PIK3AP1: variants seen among roughly 807,000 people sequenced by gnomAD.
PIK3AP1 encodes phosphoinositide-3-kinase adaptor protein 1.
PIK3AP1 carries 21 observed loss-of-function variants against 88.1 expected under a neutral mutation model. The observed-to-expected ratio is 0.24, with a 90% confidence interval of 0.17 to 0.34. The LOEUF is 0.34. PIK3AP1 is among the 10% of genes least tolerant of loss of function. The pLI is 1.00. For missense variants in PIK3AP1, 828 were observed against 1,035.7 expected (o/e 0.80, Z 2.75); for synonymous variants, 398 against 400.0 (o/e 1.00, Z 0.06).
intron 6 of PIK3AP1, among the ~76,000 whole-genome samples, chr10:96,649,088 C>A (rs993227448): frequency 6.6e-6 from 1 of 152,088 alleles, no homozygotes; most frequent in Non-Finnish European, 1.5e-5. Flanking sequence ...ACTCTGTCAC[C>A]CAGGCTGGAG....
intron 6 of PIK3AP1, among the ~76,000 whole-genome samples, 155 bp from the exon 7 acceptor site, chr10:96,649,010 C>T (rs1348370928): frequency 1.3e-5 from 2 of 152,216 alleles, no homozygotes; most frequent in Admixed American, 6.5e-5. Flanking sequence ...CAGCTTCCTT[C>T]AGGACACCAC....
intron 2 of PIK3AP1, among the ~76,000 whole-genome samples, chr10:96,704,554 C>A (rs1287647025): frequency 6.6e-6 from 1 of 151,932 alleles, no homozygotes; most frequent in South Asian, 2.1e-4. Flanking sequence ...CCCATCACTA[C>A]TAAAAATACA....
chr10:96,628,578 C>CA (rs879686687), intron 8 of PIK3AP1, 85 bp from the exon 9 acceptor site: 48 of 1,118,518 alleles, frequency 4.3e-5, no homozygotes, highest in Non-Finnish European at 6.1e-5. Flanking sequence ...TGAGGTTTGG[C>CA]AACTCTCTTA....
chr10:96,680,806 A>C (rs1210521825), intron 2 of PIK3AP1, among the ~76,000 whole-genome samples: 1 of 152,202 alleles, frequency 6.6e-6, no homozygotes, highest in Non-Finnish European at 1.5e-5. Flanking sequence ...TCACTTTCAC[A>C]TGTTGATGCC....
At chr10:96,678,879 C>A (rs563686890) in intron 2 of PIK3AP1, among the ~76,000 whole-genome samples, 1 of 152,312 alleles carries the variant, frequency 6.6e-6, no homozygotes, top group Admixed American at 6.5e-5. Flanking sequence ...GAGACACAGA[C>A]CCCTGTAGGG....
At chr10:96,609,973 G>A (rs1222435395) in intron 13 of PIK3AP1, 106 bp from the exon 14 acceptor site, 1 of 1,316,646 alleles carries the variant, frequency 7.6e-7, no homozygotes, top group Non-Finnish European at 1.1e-6. Context: ...AGCCTGCATG[G>A]GAAGGGGAAG....
At chr10:96,705,302 T>C (rs574948013) in intron 2 of PIK3AP1, among the ~76,000 whole-genome samples, 8 of 152,118 alleles carry the variant, frequency 5.3e-5, no homozygotes, top group Non-Finnish European at 8.8e-5. Flanking sequence ...TGTAAGGGAA[T>C]GTTATGATCA....
chr10:96,662,399 C>G (rs1389463185), intron 2 of PIK3AP1, among the ~76,000 whole-genome samples: 1 of 150,520 alleles, frequency 6.6e-6, no homozygotes, highest in African/African-American at 2.5e-5. Flanking sequence ...GTCAGGAGCT[C>G]GAGATCAGCC....
intron 8 of PIK3AP1, among the ~76,000 whole-genome samples, chr10:96,632,659 T>C (rs2134214141): frequency 6.6e-6 from 1 of 152,348 alleles, no homozygotes; most frequent in Non-Finnish European, 1.5e-5. Context: ...AGCAAGATTT[T>C]GGAAGCAACA....
At chr10:96,701,208 A>G in intron 2 of PIK3AP1, among the ~76,000 whole-genome samples, 1 of 152,226 alleles carries the variant, frequency 6.6e-6, no homozygotes, top group African/African-American at 2.4e-5. Flanking sequence ...TGACTTGGAA[A>G]TTTATGGCCT....
At position 96,648,746 on chromosome 10, in the gene PIK3AP1, G is replaced by A. The variant is rs370396990; in HGVS notation, c.1098C>T (p.Ser366=). Residue 366 remains serine, a synonymous_variant, in exon 7 of 17, where the codon AGC becomes AGT. Coordinates refer to ENST00000339364, the MANE Select transcript of PIK3AP1 (RefSeq NM_152309.3). ...GGTAGTGGCCATGCTTGTTGGCCAC[G>A]CTGTACGCCTGCAGGGCTCCTGGGC... ...LTCPGALQAY[S]VANKHGHYPN... 2.2e-4 allele frequency: 351 copies of A among 1,610,932 alleles called. No homozygotes were observed. The highest frequency in any genetic ancestry group is 2.9e-4 in the Non-Finnish European group (343 of 1,178,910).
At chr10:96,599,746 T>A (rs773180595) in intron 16 of PIK3AP1, among the ~76,000 whole-genome samples, 33 of 152,328 alleles carry the variant, frequency 2.2e-4, no homozygotes, top group Middle Eastern at 3.4e-3. Flanking sequence ...CTCACACATC[T>A]TTTTTCACAC....
intron 2 of PIK3AP1, among the ~76,000 whole-genome samples, chr10:96,678,613 C>T (rs757280953): frequency 1.3e-5 from 2 of 152,056 alleles, no homozygotes; most frequent in Admixed American, 6.6e-5. Flanking sequence ...AATAAATGCA[C>T]TATAGAAGGA....
chr10:96,671,002 T>C (rs565692213), intron 2 of PIK3AP1, among the ~76,000 whole-genome samples: 1 of 152,354 alleles, frequency 6.6e-6, no homozygotes, highest in Admixed American at 6.5e-5. Flanking sequence ...TCTGAAAAGG[T>C]ACCACAAGCA....
chr10:96,606,077 C>CGTCTCAGGA (rs1848997753), intron 14 of PIK3AP1, among the ~76,000 whole-genome samples: 1 of 152,074 alleles, frequency 6.6e-6, no homozygotes, highest in Non-Finnish European at 1.5e-5. Flanking sequence ...AGTGAGACTC[C>CGTCTCAGGA]GTCTCAAAAA....
intron 2 of PIK3AP1, among the ~76,000 whole-genome samples, chr10:96,660,220 A>G (rs1843667688): frequency 6.6e-6 from 1 of 152,106 alleles, no homozygotes; most frequent in African/African-American, 2.4e-5. Context: ...CATATCTAAT[A>G]AAATACTTGT....
At chr10:96,695,136 T>G (rs1200448539) in intron 2 of PIK3AP1, among the ~76,000 whole-genome samples, 4 of 152,194 alleles carry the variant, frequency 2.6e-5, no homozygotes, top group Admixed American at 2.0e-4. Context: ...GTCAGAGATC[T>G]TTTCTGGCAA....
chr10:96,699,486 T>C (rs1332492950), intron 2 of PIK3AP1, among the ~76,000 whole-genome samples: 2 of 152,212 alleles, frequency 1.3e-5, no homozygotes, highest in African/African-American at 4.8e-5. Context: ...TTTTTTTAAA[T>C]TACTGCAGCT....
In PIK3AP1 at chr10:96,720,428, G is replaced by C. The variant is rs1844556451; in HGVS notation, c.-34C>G. 2 of 1,231,636 alleles carry C rather than the reference G, an allele frequency of 1.6e-6. No homozygotes were observed. Among genetic ancestry groups the C allele is most frequent in the African/African-American group, 3.1e-5 (2 of 64,066 alleles). 76.3% of individuals were successfully genotyped at this position (1,231,636 alleles called of 1,614,324 possible). On this transcript the variant is annotated 5_prime_UTR_variant, in exon 1 of 17. Transcript: ENST00000339364. This position sits in a 1 kb window ranked among gnomAD's most constrained non-coding sequence, Gnocchi z 4.6. ...GCGCCGCTCACATCCCTGGCTCGCT[G>C]CGTGCCCGGGGCCGGGACCGGGGCC...
Sources: allele counts gnomAD v4.1 joint callset (sites outside exome capture counted in the v4.1 genomes callset), GRCh38; gene constraint gnomAD v4.1.1; non-coding constraint Gnocchi (gnomAD v3.1); transcripts MANE v1.5; gene names NCBI Gene and HGNC (gene_info 2026-07-23, HGNC 2026-07-21).